Variants in CCDC178 observed in about 807,000 individuals in gnomAD.
CCDC178 encodes the protein coiled-coil domain containing 178, also known as coiled-coil domain-containing protein 178.
In CCDC178, 126 loss-of-function variants were observed where a neutral mutation model predicts 117.4. The observed-to-expected ratio is 1.07, with a 90% CI of 0.93 to 1.24. The LOEUF (loss-of-function observed/expected upper bound fraction) is 1.24, where lower values mean the gene tolerates loss of function less well. Ranked by LOEUF, CCDC178 falls within the 50% of genes most tolerant of loss-of-function variation. The pLI is 0.00. For missense variants in CCDC178, 1,030 were observed against 986.9 expected (o/e 1.04, Z -0.59); for synonymous variants, 283 against 313.4 (o/e 0.90, Z 1.02).
At chr18:33,112,209 C>T (rs932086042) in intron 20 of CCDC178, among the ~76,000 whole-genome samples, 5 of 151,534 alleles carry the variant, frequency 3.3e-5, no homozygotes, top group East Asian at 3.9e-4. Context: ...AACAAAGCTC[C>T]GTAAGATGAC....
At chr18:33,089,816 A>T (rs2057435711) in intron 21 of CCDC178, among the ~76,000 whole-genome samples, 1 of 152,178 alleles carries the variant, frequency 6.6e-6, no homozygotes, top group Non-Finnish European at 1.5e-5. Context: ...ATATTTTTAT[A>T]AAAAGTATTT....
In CCDC178 at chr18:33,412,836, A is replaced by C. The variant is rs150550582; in HGVS notation, c.-22-726T>G. Among the ~76,000 whole-genome samples the C allele has an allele frequency of 2.7e-4, 41 of 152,306 alleles. 1 individual carries two copies. The East Asian group carries it at 7.9e-3, about 29-fold the overall frequency. ...ATTGTTTAAAGCAATAATACAAACA[A>C]GGTCCGTACATAGCATTTAAGTGAA... On this transcript the variant is annotated intron_variant, in intron 2 of 22. Transcript: ENST00000383096.
At chr18:33,312,905 G>A (rs541268298) in intron 11 of CCDC178, among the ~76,000 whole-genome samples, 9 of 152,282 alleles carry the variant, frequency 5.9e-5, no homozygotes, top group Admixed American at 5.2e-4. Context: ...GGGTGACAAA[G>A]GAAGTATACT....
chr18:33,256,408 C>T (rs554450082), intron 14 of CCDC178, among the ~76,000 whole-genome samples: 121 of 151,992 alleles, frequency 8.0e-4, no homozygotes, highest in Non-Finnish European at 7.1e-4. Context: ...TAGTCTTGAA[C>T]AAAAAGTATT....
intron 5 of CCDC178, among the ~76,000 whole-genome samples, chr18:33,373,251 T>C (rs1165709355): frequency 6.6e-6 from 1 of 152,168 alleles, no homozygotes; most frequent in Admixed American, 6.6e-5. Flanking sequence ...ACATGGACTC[T>C]CAGAGTCAGA....
intron 20 of CCDC178, among the ~76,000 whole-genome samples, chr18:33,157,604 C>T (rs2058416525): frequency 6.6e-6 from 1 of 152,046 alleles, no homozygotes; most frequent in Admixed American, 6.6e-5. Context: ...AATACACAGA[C>T]ATAGTATTTT....
chr18:33,228,412 T>A (rs946154576), intron 15 of CCDC178, among the ~76,000 whole-genome samples: 12 of 152,338 alleles, frequency 7.9e-5, no homozygotes, highest in African/African-American at 2.9e-4. Flanking sequence ...TAATATTGTT[T>A]GAAAAGAACT....
chr18:33,429,386 G>A (rs1284492473), intron 2 of CCDC178, among the ~76,000 whole-genome samples: 1 of 152,072 alleles, frequency 6.6e-6, no homozygotes. Flanking sequence ...CAGAGAGAGA[G>A]AGAGAGCAAG....
chr18:33,430,728 CAT>C (rs2064202205), intron 2 of CCDC178, among the ~76,000 whole-genome samples: 2 of 152,198 alleles, frequency 1.3e-5, no homozygotes, highest in Admixed American at 1.3e-4. Flanking sequence ...TTTTGCAAAA[CAT>C]AGTCTAACCT....
chr18:33,063,237 C>T (rs1413437129), intron 21 of CCDC178, among the ~76,000 whole-genome samples: 1 of 152,136 alleles, frequency 6.6e-6, no homozygotes, highest in Non-Finnish European at 1.5e-5. Flanking sequence ...CATACCTGCA[C>T]TTGAGTATGT....
chr18:33,267,185 G>C lies in CCDC178; in HGVS notation c.1272+17C>G. ...AAAATGGCGTTCTAAGTGGGAAGTA[G>C]GAAAAAATCAACTTACTGCAGCATA... On this transcript the variant is annotated intron_variant, in intron 13 of 22. Transcript: ENST00000383096. 6.4e-7 allele frequency: 1 copy of C among 1,571,038 alleles called. No individual in the cohort carries two copies. The highest frequency in any genetic ancestry group is 8.6e-7 in the Non-Finnish European group (1 of 1,161,466).
intron 21 of CCDC178, among the ~76,000 whole-genome samples, chr18:33,063,687 G>A (rs977649708): frequency 1.3e-5 from 2 of 152,036 alleles, no homozygotes; most frequent in Admixed American, 1.3e-4. Context: ...GGCACTCTAG[G>A]CACTCTAATA....
intron 20 of CCDC178, among the ~76,000 whole-genome samples, chr18:33,103,759 G>C (rs2057663587): frequency 6.6e-6 from 1 of 151,664 alleles, no homozygotes; most frequent in South Asian, 2.1e-4. Context: ...AGTAGATAGA[G>C]AGGTCTGCTC....
chr18:33,011,424 G>C (rs2055861224), intron 21 of CCDC178, among the ~76,000 whole-genome samples: 1 of 152,042 alleles, frequency 6.6e-6, no homozygotes, highest in South Asian at 2.1e-4. Context: ...TAGTTAATGA[G>C]TCTAAAAATA....
At position 33,266,915 on chromosome 18, in the gene CCDC178, C is replaced by T. The variant is rs369413666; in HGVS notation, c.1409+1G>A. On this transcript the variant is annotated splice_donor_variant, in intron 14 of 22. Transcript: ENST00000383096. LOFTEE classifies it high-confidence loss of function. The stretch of plus-strand genomic sequence containing the variant: ...AAGAAGAAAAGTATTTGCAAATTTA[C>T]CTTTCATTGGTTTTTACTGTTATTT... The T allele has an allele frequency of 1.3e-6, 2 of 1,559,480 alleles. No homozygotes were observed. Among genetic ancestry groups the T allele is most frequent in the Non-Finnish European group, 1.7e-6 (2 of 1,152,948 alleles).
chr18:33,017,663 G>T (rs905025349), intron 21 of CCDC178, among the ~76,000 whole-genome samples: 3 of 151,950 alleles, frequency 2.0e-5, no homozygotes, highest in Non-Finnish European at 2.9e-5. Flanking sequence ...AAAGTTGGAG[G>T]ACTCACACTT....
At chr18:33,243,282 T>C (rs1439169060) in intron 15 of CCDC178, among the ~76,000 whole-genome samples, 2 of 151,864 alleles carry the variant, frequency 1.3e-5, no homozygotes, top group African/African-American at 4.8e-5. Flanking sequence ...AGAGATTTTT[T>C]AAAGGATGCT....
chr18:33,311,287 A>C (rs907244166), intron 11 of CCDC178, among the ~76,000 whole-genome samples: 2 of 152,234 alleles, frequency 1.3e-5, no homozygotes, highest in Non-Finnish European at 2.9e-5. Flanking sequence ...AGAGCACATC[A>C]GACATTAGAC....
At chr18:33,186,142 T>C (rs1042757046) in intron 20 of CCDC178, among the ~76,000 whole-genome samples, 1 of 152,096 alleles carries the variant, frequency 6.6e-6, no homozygotes, top group African/African-American at 2.4e-5. Flanking sequence ...TTCAAGATGC[T>C]TAGTACTCAC....
Sources: allele counts gnomAD v4.1 joint callset (sites outside exome capture counted in the v4.1 genomes callset), GRCh38; gene constraint gnomAD v4.1.1; transcripts MANE v1.5; gene names NCBI Gene and HGNC (gene_info 2026-07-23, HGNC 2026-07-21).